The following SAMD5 variants were observed in gnomAD, a reference collection of about 807,000 sequenced individuals.
The protein encoded by SAMD5 is sterile alpha motif domain containing 5, also known as sterile alpha motif domain-containing protein 5.
A neutral mutation model predicts 11.3 loss-of-function variants in SAMD5; 13 were observed. The observed-to-expected ratio is 1.15, with a 90% confidence interval of 0.75 to 1.83. The LOEUF (loss-of-function observed/expected upper bound fraction) is 1.83. SAMD5 is among the 40% of genes most tolerant of loss of function. The pLI is 0.00. For missense variants in SAMD5, 255 were observed against 239.1 expected, an observed-to-expected ratio of 1.07 and a Z score of -0.44; for synonymous variants, 129 against 111.3, an observed-to-expected ratio of 1.16 and a Z score of -1.00.
chr6:147,891,729 T>C, the SAMD5 span, among the ~76,000 whole-genome samples: 1 of 152,026 alleles, frequency 6.6e-6, no homozygotes, highest in Non-Finnish European at 1.5e-5. Context: ...AGATCTAAGA[T>C]GAAAGCTCAT....
chr6:147,819,706 C>T, the SAMD5 span, among the ~76,000 whole-genome samples: 2 of 152,206 alleles, frequency 1.3e-5, no homozygotes, highest in African/African-American at 4.8e-5. Flanking sequence ...GGTTACTCAG[C>T]CCTGGACCTT....
downstream of SAMD5, chr6:147,737,673 T>C (rs990297989): frequency 1.2e-3 from 21 of 17,934 alleles, no homozygotes; most frequent in Non-Finnish European, 2.1e-3. Context: ...GATTGAGGGC[T>C]TTTTTTTTTT....
chr6:147,768,269 G>A, the SAMD5 span, among the ~76,000 whole-genome samples: 1 of 152,050 alleles, frequency 6.6e-6, no homozygotes, highest in African/African-American at 2.4e-5. Context: ...AGGCTGAGGT[G>A]GGCAAACCAC....
the SAMD5 span, among the ~76,000 whole-genome samples, chr6:147,894,844 G>A: frequency 2.4e-4 from 36 of 152,192 alleles, no homozygotes; most frequent in Non-Finnish European, 2.9e-5. Flanking sequence ...TCTCCAGCAA[G>A]TGGCAGAAAA....
At chr6:147,694,384 TTGGGATTTATTTTCCCAA>T (rs1562353400) in intron 1 of SAMD5, among the ~76,000 whole-genome samples, 1 of 152,184 alleles carries the variant, frequency 6.6e-6, no homozygotes, top group Non-Finnish European at 1.5e-5. Context: ...TACAAACTTA[TTGGGATTTATTTTCCCAA>T]ATAATTATGA....
At chr6:147,673,794 T>C (rs1033434426) in intron 1 of SAMD5, among the ~76,000 whole-genome samples, 5 of 152,130 alleles carry the variant, frequency 3.3e-5, no homozygotes, top group African/African-American at 1.2e-4. Context: ...GTGTTGTCAA[T>C]AAGAGCAACA....
At chr6:147,672,434 G>A (rs1299461613) in intron 1 of SAMD5, among the ~76,000 whole-genome samples, 1 of 152,064 alleles carries the variant, frequency 6.6e-6, no homozygotes, top group African/African-American at 2.4e-5. Flanking sequence ...ACTTTGAACA[G>A]TTCTGCAACA....
chr6:147,850,227 C>G, the SAMD5 span, among the ~76,000 whole-genome samples: 6 of 152,054 alleles, frequency 3.9e-5, no homozygotes, highest in Non-Finnish European at 5.9e-5. Context: ...ATAGAATGTA[C>G]TTATTGCGTT....
At chr6:147,633,161 G>A (rs991164215) in intron 1 of SAMD5, among the ~76,000 whole-genome samples, 1 of 152,194 alleles carries the variant, frequency 6.6e-6, no homozygotes, top group Non-Finnish European at 1.5e-5. Flanking sequence ...ATTGGCAAAG[G>A]CGTGATGAAT....
chr6:147,895,077 A>G, the SAMD5 span, among the ~76,000 whole-genome samples: 4 of 152,226 alleles, frequency 2.6e-5, no homozygotes, highest in Non-Finnish European at 5.9e-5. Flanking sequence ...GCCTAACTCT[A>G]ACATCAAGAT....
intron 1 of SAMD5, among the ~76,000 whole-genome samples, chr6:147,665,711 A>C (rs1253865009): frequency 2.0e-5 from 3 of 152,158 alleles, no homozygotes; most frequent in African/African-American, 7.2e-5. Context: ...GATAATCCTT[A>C]ATGTGATACC....
At chr6:147,710,395 A>G (rs1423040244) in intron 1 of SAMD5, among the ~76,000 whole-genome samples, 1 of 152,252 alleles carries the variant, frequency 6.6e-6, no homozygotes, top group Non-Finnish European at 1.5e-5. Flanking sequence ...TAAATAGTTC[A>G]TAAGTTTTCA....
At chr6:147,763,245 C>T in the SAMD5 span, among the ~76,000 whole-genome samples, 3 of 151,918 alleles carry the variant, frequency 2.0e-5, no homozygotes, top group Admixed American at 6.6e-5. Flanking sequence ...CTGCAACCTC[C>T]GCCTCTCGGG....
intron 1 of SAMD5, among the ~76,000 whole-genome samples, chr6:147,720,457 T>C (rs1275482682): frequency 6.1e-5 from 7 of 114,736 alleles, no homozygotes; most frequent in African/African-American, 2.2e-4. Flanking sequence ...AGCGAGACTC[T>C]GTCTCAAAAA....
chr6:147,902,798 TA>T, the SAMD5 span, among the ~76,000 whole-genome samples: 1 of 152,216 alleles, frequency 6.6e-6, no homozygotes, highest in Non-Finnish European at 1.5e-5. Flanking sequence ...TCTCCCAGTT[TA>T]TCCTAAAAAG....
At chr6:147,829,870 G>A in the SAMD5 span, among the ~76,000 whole-genome samples, 4 of 152,184 alleles carry the variant, frequency 2.6e-5, no homozygotes, top group African/African-American at 9.7e-5. Flanking sequence ...TCAGGAAGGG[G>A]AGTTGAAACA....
At chr6:147,809,894 CA>C in the SAMD5 span, among the ~76,000 whole-genome samples, 1 of 152,280 alleles carries the variant, frequency 6.6e-6, no homozygotes, top group South Asian at 2.1e-4. Flanking sequence ...CCCCTGGGGG[CA>C]AAACCCCCCT....
chr6:147,627,968 A>G (rs1232242719), intron 1 of SAMD5, among the ~76,000 whole-genome samples: 1 of 152,240 alleles, frequency 6.6e-6, no homozygotes, highest in Non-Finnish European at 1.5e-5. Flanking sequence ...AGGCTGTTGT[A>G]TTCCCCTGCC....
chr6:147,859,361 A>G, the SAMD5 span, among the ~76,000 whole-genome samples: 1 of 152,354 alleles, frequency 6.6e-6, no homozygotes, highest in South Asian at 2.1e-4. Flanking sequence ...ACAAAGGCAA[A>G]CAAAACAAAT....
Sources: gnomAD v4.1 joint callset for allele counts (sites outside exome capture counted in the v4.1 genomes callset) on GRCh38, gnomAD v4.1.1 for gene constraint, MANE v1.5 for transcripts, NCBI Gene and HGNC (gene_info 2026-07-23, HGNC 2026-07-21) for gene names.